Variants in ASTN2 observed in about 807,000 individuals in gnomAD.
ASTN2 encodes astrotactin-2.
Under a neutral mutation model 139.8 loss-of-function variants are expected in ASTN2, and 54 were observed. The ratio of observed to expected loss-of-function variants is 0.39; its 90% CI spans 0.31 to 0.48. The LOEUF is 0.48. Among genes scored for constraint, ASTN2 ranks in the 20% least tolerant of loss-of-function variants. ASTN2 has a pLI of 0.95. For missense variants in ASTN2, 1,565 were observed against 1,725.1 expected, an observed-to-expected ratio of 0.91 and a Z score of 1.64; for synonymous variants, 756 against 719.5, an observed-to-expected ratio of 1.05 and a Z score of -0.81.
At chr9:117,309,078 T>A (rs1448366018) in intron 1 of ASTN2, among the ~76,000 whole-genome samples, 1 of 152,252 alleles carries the variant, frequency 6.6e-6, no homozygotes, top group Non-Finnish European at 1.5e-5. Context: ...GGTTATTATA[T>A]CACATTATAT....
chr9:117,227,189 T>C (rs555835569), intron 2 of ASTN2, among the ~76,000 whole-genome samples: 13 of 152,268 alleles, frequency 8.5e-5, no homozygotes, highest in African/African-American at 2.9e-4. Flanking sequence ...TGGTGAAGGC[T>C]TCCCTTTGCA....
At chr9:116,798,733 C>T (rs1391780002) in intron 13 of ASTN2, among the ~76,000 whole-genome samples, 1 of 152,140 alleles carries the variant, frequency 6.6e-6, no homozygotes, top group Non-Finnish European at 1.5e-5. Context: ...TTATGATAGC[C>T]AAGTTTGTTT....
chr9:116,776,924 A>AGACAACTT (rs1465786880), intron 13 of ASTN2, among the ~76,000 whole-genome samples: 2 of 152,196 alleles, frequency 1.3e-5, no homozygotes, highest in Non-Finnish European at 2.9e-5. Context: ...AAATCATTCT[A>AGACAACTT]GACAACTTGA....
chr9:117,312,869 C>T (rs956783708), intron 1 of ASTN2, among the ~76,000 whole-genome samples: 21 of 151,970 alleles, frequency 1.4e-4, no homozygotes, highest in Non-Finnish European at 4.4e-5. Flanking sequence ...TTTAGGAAAC[C>T]AACAAAACCG....
intron 16 of ASTN2, among the ~76,000 whole-genome samples, chr9:116,677,475 A>G (rs1234816578): frequency 6.6e-6 from 1 of 152,192 alleles, no homozygotes; most frequent in Non-Finnish European, 1.5e-5. Context: ...TTTGGTTTGT[A>G]ATAACTAGGT....
At chr9:117,245,690 C>T (rs1229005561) in intron 2 of ASTN2, among the ~76,000 whole-genome samples, 1 of 152,104 alleles carries the variant, frequency 6.6e-6, no homozygotes, top group Non-Finnish European at 1.5e-5. Flanking sequence ...TTTTAATTTC[C>T]TCATTTGTAC....
chr9:117,404,379 T>C (rs1830921521), intron 1 of ASTN2, among the ~76,000 whole-genome samples: 1 of 152,176 alleles, frequency 6.6e-6, no homozygotes, highest in Non-Finnish European at 1.5e-5. Context: ...GGACCTGAGC[T>C]AGAGACTTGG....
At position 116,742,352 on chromosome 9, in the gene ASTN2, G is replaced by A. The variant is rs554256043; in HGVS notation, c.2397-8829C>T. Reference sequence around the variant, plus strand: ...AGTTGTACCCACCAGATAAGAAAAGGAAATAGTACACTCTTCTTTCTGCCA... The same window carrying A: ...AGTTGTACCCACCAGATAAGAAAAGAAAATAGTACACTCTTCTTTCTGCCA... On this transcript the variant is annotated intron_variant, in intron 13 of 22. Transcript: ENST00000313400. Among the ~76,000 whole-genome samples, 14 of 152,268 alleles carry A rather than the reference G, an allele frequency of 9.2e-5. No individual in the cohort carries two copies. In the South Asian group the frequency reaches 2.9e-3, roughly 32 times the overall value.
intron 3 of ASTN2, among the ~76,000 whole-genome samples, chr9:117,183,507 A>G (rs1231210692): frequency 6.6e-6 from 1 of 152,166 alleles, no homozygotes; most frequent in African/African-American, 2.4e-5. Flanking sequence ...GGGTATCCAC[A>G]TCCTTATTGT....
chr9:117,231,698 G>A (rs870027), intron 2 of ASTN2, among the ~76,000 whole-genome samples: 43,608 of 151,864 alleles, frequency 0.29, 7,615 homozygotes, highest in Middle Eastern at 0.39. Flanking sequence ...AGTGGGAAGC[G>A]AGTGAGGAAT....
At chr9:116,686,860 A>C (rs1227915347) in intron 16 of ASTN2, 1 of 1,546,766 alleles carries the variant, frequency 6.5e-7, no homozygotes, top group Non-Finnish European at 8.7e-7. Flanking sequence ...ATGAGGCCAA[A>C]GCACTGCCCT....
chr9:116,513,060 T>C (rs991817618), intron 19 of ASTN2, among the ~76,000 whole-genome samples: 1 of 152,212 alleles, frequency 6.6e-6, no homozygotes, highest in Non-Finnish European at 1.5e-5. Flanking sequence ...TAGCTGGTTA[T>C]TTTGCTTGTT....
chr9:117,029,650 T>A (rs1361342867), intron 6 of ASTN2, among the ~76,000 whole-genome samples: 1 of 151,322 alleles, frequency 6.6e-6, no homozygotes, highest in Non-Finnish European at 1.5e-5. Context: ...GAGAGTATGG[T>A]ATGCAAACGT....
rs770328940 is a variant in ASTN2, at chr9:116,698,685, G to A, written c.2806+27086C>T. 4 of 1,614,052 alleles carry A rather than the reference G, an allele frequency of 2.5e-6. No homozygotes were observed. The highest frequency in any genetic ancestry group is 1.7e-5 in the Admixed American group (1 of 60,006). ...CTGGGCCATGGAGGCCACAGCGTCT[G>A]CTGCCTCTACCTCTGTTACTTTTAG... is the stretch of plus-strand genomic sequence containing the variant. On this transcript the variant is annotated intron_variant, in intron 16 of 22. Coordinates refer to ENST00000313400, the MANE Select transcript of ASTN2 (RefSeq NM_001365068.1). This position sits in a 1 kb window ranked among gnomAD's most constrained non-coding sequence, Gnocchi z 4.4.
intron 12 of ASTN2, among the ~76,000 whole-genome samples, chr9:116,815,671 G>C (rs1016892608): frequency 6.6e-6 from 1 of 151,474 alleles, no homozygotes; most frequent in Non-Finnish European, 1.5e-5. Context: ...CGGGCGCGGT[G>C]GTGGGCACCT....
At chr9:117,176,282 A>C (rs1830914561) in intron 3 of ASTN2, among the ~76,000 whole-genome samples, 1 of 152,156 alleles carries the variant, frequency 6.6e-6, no homozygotes, top group Admixed American at 6.5e-5. Context: ...AGCACAGGAC[A>C]CAGGACAATC....
chr9:117,191,395 A>T (rs971836736), intron 3 of ASTN2, among the ~76,000 whole-genome samples: 9 of 152,224 alleles, frequency 5.9e-5, no homozygotes, highest in African/African-American at 1.9e-4. Context: ...GGGAAAAGAC[A>T]GAAAAAATTA....
At chr9:117,372,470 G>C (rs1488236118) in intron 1 of ASTN2, among the ~76,000 whole-genome samples, 2 of 152,124 alleles carry the variant, frequency 1.3e-5, no homozygotes, top group African/African-American at 4.8e-5. Context: ...ATCCTGAATT[G>C]GAAGGCTTCA....
intron 12 of ASTN2, among the ~76,000 whole-genome samples, chr9:116,812,007 T>C (rs1015665297): frequency 5.9e-5 from 9 of 152,352 alleles, no homozygotes; most frequent in Admixed American, 3.9e-4. Flanking sequence ...ATATAATTTG[T>C]ATATATTTTT....
Sources: gnomAD v4.1 joint callset for allele counts (sites outside exome capture counted in the v4.1 genomes callset) on GRCh38, gnomAD v4.1.1 for gene constraint, Gnocchi (gnomAD v3.1) non-coding constraint, MANE v1.5 for transcripts, NCBI Gene and HGNC (gene_info 2026-07-23, HGNC 2026-07-21) for gene names.